The following SLC10A7 variants were observed in gnomAD, a reference collection of about 807,000 sequenced individuals.
SLC10A7 encodes solute carrier family 10 member 7.
Under a neutral mutation model 43.2 loss-of-function variants are expected in SLC10A7, and 29 were observed. That is an observed-to-expected ratio of 0.67 (90% CI 0.50 to 0.92). The LOEUF (loss-of-function observed/expected upper bound fraction) is 0.92, where lower values mean the gene tolerates loss of function less well. Among genes scored for constraint, SLC10A7 ranks in the 40% least tolerant of loss-of-function variants. The probability of loss-of-function intolerance (pLI) is 0.00; values close to 1 mark genes in which losing one functional copy is unlikely to be tolerated. For missense variants in SLC10A7, 295 were observed against 403.2 expected (o/e 0.73, Z 2.30); for synonymous variants, 152 against 144.8 (o/e 1.05, Z -0.35).
chr4:146,494,941 CT>C (rs1735757248), intron 4 of SLC10A7, among the ~76,000 whole-genome samples: 1 of 152,160 alleles, frequency 6.6e-6, no homozygotes, highest in South Asian at 2.1e-4. Context: ...TTTATAGCAG[CT>C]TAAAACAAAT....
intron 3 of SLC10A7, among the ~76,000 whole-genome samples, chr4:146,509,113 C>G (rs1445125899): frequency 6.6e-6 from 1 of 152,194 alleles, no homozygotes; most frequent in Non-Finnish European, 1.5e-5. Context: ...ACCACTTTCA[C>G]ATATCTCACT....
chr4:146,426,102 A>T (rs1729333689), intron 5 of SLC10A7, among the ~76,000 whole-genome samples: 1 of 152,220 alleles, frequency 6.6e-6, no homozygotes, highest in Non-Finnish European at 1.5e-5. Context: ...CTATTCCTGC[A>T]AGGTAGAGCC....
chr4:146,437,471 C>A (rs538597946), intron 5 of SLC10A7, among the ~76,000 whole-genome samples: 7 of 152,166 alleles, frequency 4.6e-5, no homozygotes, highest in African/African-American at 1.7e-4. Flanking sequence ...AATATTAAGT[C>A]ATTTGTTTGT....
rs373473087 is a variant in SLC10A7, at chr4:146,340,392, C to T, written c.436-14396G>A. Among the ~76,000 whole-genome samples, 68 of 151,872 alleles carry T rather than the reference C, an allele frequency of 4.5e-4. 1 individual carries two copies. The East Asian group carries it at 0.011, about 25-fold the overall frequency. On this transcript the variant is annotated intron_variant, in intron 5 of 11. Coordinates refer to ENST00000335472, the MANE Select transcript of SLC10A7 (RefSeq NM_001029998.6). Reference sequence around the variant, plus strand: ...GCCATAATCAAATTTCACCTTATGACCCAGGCTCTAGCAAATGCAGGCTCT... The same window carrying T: ...GCCATAATCAAATTTCACCTTATGATCCAGGCTCTAGCAAATGCAGGCTCT...
intron 9 of SLC10A7, among the ~76,000 whole-genome samples, chr4:146,290,865 C>CAAACT (rs1730398664): frequency 6.6e-6 from 1 of 151,968 alleles, no homozygotes; most frequent in Non-Finnish European, 1.5e-5. Context: ...GTCTCTAAAC[C>CAAACT]AAACCAAACC....
chr4:146,438,385 G>A (rs1474166330), intron 5 of SLC10A7, among the ~76,000 whole-genome samples: 1 of 152,018 alleles, frequency 6.6e-6, no homozygotes, highest in Non-Finnish European at 1.5e-5. Flanking sequence ...TTTAAATGAA[G>A]AGATTTAGAA....
intron 10 of SLC10A7, among the ~76,000 whole-genome samples, chr4:146,275,221 T>C (rs1386120701): frequency 1.3e-5 from 2 of 152,200 alleles, no homozygotes; most frequent in African/African-American, 2.4e-5. Flanking sequence ...TGTGCTATAA[T>C]TTTGAGGATC....
intron 7 of SLC10A7, among the ~76,000 whole-genome samples, chr4:146,294,491 C>T (rs776906596): frequency 6.6e-6 from 1 of 152,140 alleles, no homozygotes; most frequent in Non-Finnish European, 1.5e-5. Context: ...CTTTGGGAAT[C>T]TTAAAAATCT....
At chr4:146,418,513 T>C (rs1728732548) in intron 5 of SLC10A7, among the ~76,000 whole-genome samples, 1 of 152,198 alleles carries the variant, frequency 6.6e-6, no homozygotes, top group Non-Finnish European at 1.5e-5. Flanking sequence ...TTATAGTATT[T>C]TCAAAAGTGA....
intron 4 of SLC10A7, among the ~76,000 whole-genome samples, chr4:146,498,906 T>C (rs949756440): frequency 6.6e-6 from 1 of 152,162 alleles, no homozygotes; most frequent in Non-Finnish European, 1.5e-5. Flanking sequence ...ACCAACAATT[T>C]TACTGAAAAT....
chr4:146,275,531 GA>G (rs1276557348), intron 10 of SLC10A7, among the ~76,000 whole-genome samples: 2 of 152,116 alleles, frequency 1.3e-5, no homozygotes, highest in Non-Finnish European at 2.9e-5. Flanking sequence ...GATCACTTGG[GA>G]ACTTCCCTTA....
At chr4:146,463,702 C>T (rs1732741163) in intron 4 of SLC10A7, among the ~76,000 whole-genome samples, 1 of 151,874 alleles carries the variant, frequency 6.6e-6, no homozygotes, top group Non-Finnish European at 1.5e-5. Context: ...GATTGTGTAA[C>T]TGTACTCCAC....
intron 5 of SLC10A7, among the ~76,000 whole-genome samples, chr4:146,405,099 T>TTCA (rs1727572715): frequency 6.6e-6 from 1 of 152,166 alleles, no homozygotes; most frequent in Admixed American, 6.5e-5. Context: ...AGTTTAGTCT[T>TTCA]TCACTGGTTA....
intron 4 of SLC10A7, among the ~76,000 whole-genome samples, chr4:146,471,324 T>C (rs1733554395): frequency 6.6e-6 from 1 of 152,232 alleles, no homozygotes. Flanking sequence ...ACTATAGAAG[T>C]TATCTAGAAC....
chr4:146,331,014 T>C (rs1163085037), intron 5 of SLC10A7, among the ~76,000 whole-genome samples: 1 of 152,192 alleles, frequency 6.6e-6, no homozygotes, highest in Non-Finnish European at 1.5e-5. Flanking sequence ...AATCTATGCC[T>C]TCTTCAGCTA....
At chr4:146,494,473 A>T (rs1346433943) in intron 4 of SLC10A7, among the ~76,000 whole-genome samples, 1 of 152,234 alleles carries the variant, frequency 6.6e-6, no homozygotes, top group Non-Finnish European at 1.5e-5. Context: ...TATAAAGAGA[A>T]GGATTCAGAA....
chr4:146,351,337 G>T (rs1345329692), intron 5 of SLC10A7, among the ~76,000 whole-genome samples: 1 of 151,710 alleles, frequency 6.6e-6, no homozygotes, highest in African/African-American at 2.4e-5. Context: ...AGAGAAAAAA[G>T]AATAAAAAGA....
At chr4:146,420,612 T>G (rs1728895395) in intron 5 of SLC10A7, among the ~76,000 whole-genome samples, 1 of 152,192 alleles carries the variant, frequency 6.6e-6, no homozygotes, top group African/African-American at 2.4e-5. Flanking sequence ...TACATAAGGC[T>G]TATTAATATT....
At chr4:146,275,918 A>G (rs1729177058) in intron 10 of SLC10A7, among the ~76,000 whole-genome samples, 3 of 152,100 alleles carry the variant, frequency 2.0e-5, no homozygotes. Context: ...GGGTCCCTCA[A>G]AGCTACGTAA....
Sources: gnomAD v4.1 joint callset for allele counts (sites outside exome capture counted in the v4.1 genomes callset) on GRCh38, gnomAD v4.1.1 for gene constraint, MANE v1.5 for transcripts, NCBI Gene and HGNC (gene_info 2026-07-23, HGNC 2026-07-21) for gene names.